UAP1: variants seen among roughly 807,000 people sequenced by gnomAD.
UAP1 encodes UDP-N-acetylhexosamine pyrophosphorylase.
UAP1 carries 25 observed loss-of-function variants against 58.5 expected under a neutral mutation model. That is an observed-to-expected ratio of 0.43 (90% CI 0.31 to 0.60). The LOEUF (loss-of-function observed/expected upper bound fraction) is 0.60. Among genes scored for constraint, UAP1 ranks in the 20% least tolerant of loss-of-function variants. UAP1 has a pLI of 0.11. For missense variants in UAP1, 575 were observed against 630.0 expected (o/e 0.91, Z 0.93); for synonymous variants, 208 against 213.0 (o/e 0.98, Z 0.21).
chr1:162,569,938 A>G (rs1239095427), intron 2 of UAP1, among the ~76,000 whole-genome samples: 1 of 152,140 alleles, frequency 6.6e-6, no homozygotes, highest in Non-Finnish European at 1.5e-5. Flanking sequence ...TCATGAGGTC[A>G]GGAGATCGAG....
At chr1:162,573,735 T>G (rs1654006070) in intron 2 of UAP1, among the ~76,000 whole-genome samples, 1 of 151,962 alleles carries the variant, frequency 6.6e-6, no homozygotes, top group Admixed American at 6.6e-5. Flanking sequence ...GAGGCTGAGG[T>G]GGGCAGATCA....
intron 2 of UAP1, among the ~76,000 whole-genome samples, chr1:162,575,859 T>G (rs1235608583): frequency 6.6e-6 from 1 of 152,128 alleles, no homozygotes; most frequent in Non-Finnish European, 1.5e-5. Context: ...AATTTTTATA[T>G]TTTTAGTAGA....
At position 162,567,018 on chromosome 1, in the gene UAP1, C is replaced by G. The variant is rs552169134; in HGVS notation, c.280+670C>G. Among the ~76,000 whole-genome samples, 7 of 152,272 alleles carry G rather than the reference C, an allele frequency of 4.6e-5. No homozygotes were observed. In the South Asian group the frequency reaches 1.5e-3, roughly 32 times the overall value. ...GCTGAACCAAATAATTCACCTTTCC[C>G]TGAACATGATACCATGCCTTCCCTG... is the stretch of plus-strand genomic sequence containing the variant. On this transcript the variant is annotated intron_variant, in intron 2 of 10. Coordinates refer to ENST00000271469, the Ensembl canonical transcript of UAP1.
downstream of UAP1, among the ~76,000 whole-genome samples, chr1:162,600,114 C>T (rs925628156): frequency 6.6e-6 from 1 of 152,218 alleles, no homozygotes; most frequent in African/African-American, 2.4e-5. Flanking sequence ...GTACCACTGG[C>T]ATCTAATAGG....
At chr1:162,573,922 C>T (rs909276882) in intron 2 of UAP1, among the ~76,000 whole-genome samples, 2 of 151,516 alleles carry the variant, frequency 1.3e-5, no homozygotes, top group East Asian at 3.9e-4. Context: ...CAAGGTTGTG[C>T]CACTGCACTC....
chr1:162,573,267 A>G (rs1177424297), intron 2 of UAP1, among the ~76,000 whole-genome samples: 1 of 151,946 alleles, frequency 6.6e-6, no homozygotes, highest in Non-Finnish European at 1.5e-5. Flanking sequence ...GGTAAGACAG[A>G]CTAAAAAAAA....
At position 162,570,682 on chromosome 1, in the gene UAP1, C is replaced by G. The variant is rs149385102; in HGVS notation, c.280+4334C>G. On this transcript the variant is annotated intron_variant, in intron 2 of 10. Coordinates refer to ENST00000271469, the Ensembl canonical transcript of UAP1. The stretch of plus-strand genomic sequence containing the variant: ...CTGATTAGTCTGCTTTTTGTGCTTA[C>G]TATTTTGGGGAAATATTGTAGTTTC... 1.4e-3 allele frequency among the ~76,000 whole-genome samples: 217 copies of G among 152,240 alleles called. 1 individual carries two copies. The highest frequency in any genetic ancestry group is 5.2e-3 in the African/African-American group (215 of 41,550).
chr1:162,571,881 T>A (rs1205661069), intron 2 of UAP1, among the ~76,000 whole-genome samples: 1 of 152,260 alleles, frequency 6.6e-6, no homozygotes, highest in African/African-American at 2.4e-5. Flanking sequence ...AATTTGATAC[T>A]GTGAACAATA....
exon 4 of UAP1, chr1:162,579,507 G>A: frequency 6.2e-7 from 1 of 1,611,976 alleles, no homozygotes; most frequent in Non-Finnish European, 8.5e-7. Flanking sequence ...TTTAAAAAAA[G>A]AGAATGTAAT....
chr1:162,580,439 G>A (rs1187143199), intron 4 of UAP1, among the ~76,000 whole-genome samples: 1 of 152,198 alleles, frequency 6.6e-6, no homozygotes, highest in East Asian at 1.9e-4. Context: ...TACACATCAT[G>A]GTTTGTTAAT....
exon 11 of UAP1, chr1:162,599,592 T>G (rs1655818468): frequency 1.2e-5 from 4 of 337,086 alleles, no homozygotes; most frequent in Non-Finnish European, 1.6e-5. Context: ...ATATAATTTT[T>G]TCCAAGCCAA....
At chr1:162,591,052 G>A (rs1655279321) in intron 8 of UAP1, among the ~76,000 whole-genome samples, 2 of 151,642 alleles carry the variant, frequency 1.3e-5, no homozygotes, top group Non-Finnish European at 2.9e-5. Context: ...AGCCTCCCAA[G>A]TAGCAGGGAC....
chr1:162,576,718 A>C (rs950390729), intron 2 of UAP1, 59 bp from the exon 3 acceptor site: 48 of 1,483,080 alleles, frequency 3.2e-5, no homozygotes, highest in Admixed American at 7.1e-5. Flanking sequence ...ACCTATGTAT[A>C]TTTAATACTA....
In UAP1 at chr1:162,584,390, A is replaced by T. The variant is rs527431513; in HGVS notation, c.834+2931A>T. Among the ~76,000 whole-genome samples, 22 of 152,318 alleles carry T rather than the reference A, an allele frequency of 1.4e-4. No individual in the cohort carries two copies. In the South Asian group the frequency reaches 4.3e-3, roughly 30 times the overall value. On this transcript the variant is annotated intron_variant, in intron 5 of 10. Transcript: ENST00000271469. ...CTCCCCTGCCCTTTTAAAATAAGAA[A>T]ATCAAAGCATTAAAATATGTATCTT...
chr1:162,570,078 G>A (rs1653758412), intron 2 of UAP1, among the ~76,000 whole-genome samples: 1 of 151,990 alleles, frequency 6.6e-6, no homozygotes, highest in South Asian at 2.1e-4. Context: ...AAACCCAGGA[G>A]GCGGAGCTTG....
chr1:162,567,609 T>G (rs551994954), intron 2 of UAP1, among the ~76,000 whole-genome samples: 6 of 152,212 alleles, frequency 3.9e-5, no homozygotes, highest in Admixed American at 2.0e-4. Flanking sequence ...TACGTGATCC[T>G]TGTCAAATCT....
rs1480681552 is a variant in UAP1, at chr1:162,592,020, C to T, written c.1359-712C>T. Among the ~76,000 whole-genome samples the T allele has an allele frequency of 2.0e-5, 3 of 152,182 alleles. No individual in the cohort carries two copies. The South Asian group carries it at 6.2e-4, about 32-fold the overall frequency. ...TCCCTTTCTGAATCATCTGGTATAT[C>T]CGTACTTATGTAAAAAGCATTCTGG... is the stretch of plus-strand genomic sequence containing the variant. On this transcript the variant is annotated intron_variant, in intron 8 of 10. Transcript: ENST00000271469.
chr1:162,594,793 C>T (rs1369265744), intron 9 of UAP1, among the ~76,000 whole-genome samples: 1 of 152,170 alleles, frequency 6.6e-6, no homozygotes, highest in Non-Finnish European at 1.5e-5. Context: ...TAATATCCCC[C>T]ATCGCCCAGT....
chr1:162,570,336 T>A (rs1653787168), intron 2 of UAP1, among the ~76,000 whole-genome samples: 1 of 152,168 alleles, frequency 6.6e-6, no homozygotes, highest in Admixed American at 6.6e-5. Context: ...TGCACAAGAA[T>A]TTATCATGAA....
Sources: allele counts gnomAD v4.1 joint callset (sites outside exome capture counted in the v4.1 genomes callset), GRCh38; gene constraint gnomAD v4.1.1; transcripts MANE v1.5; gene names NCBI Gene and HGNC (gene_info 2026-07-23, HGNC 2026-07-21).